The following DMD variants were observed in gnomAD, a reference collection of about 807,000 sequenced individuals.
DMD encodes dystrophin.
DMD carries 63 observed loss-of-function variants against 330.1 expected under a neutral mutation model. The observed-to-expected ratio is 0.19, with a 90% confidence interval of 0.16 to 0.24. The LOEUF (loss-of-function observed/expected upper bound fraction) is 0.24. Ranked by LOEUF, DMD falls within the 10% of genes least tolerant of loss-of-function variation. The pLI, the probability that DMD is intolerant of heterozygous loss-of-function variation, is 1.00. For missense variants in DMD, 3,344 were observed against 2,684.1 expected, an observed-to-expected ratio of 1.25 and a Z score of -5.43; for synonymous variants, 1,223 against 959.8, an observed-to-expected ratio of 1.27 and a Z score of -5.07.
chrX:31,717,102 A>G (rs2085121616), intron 52 of DMD, among the ~76,000 whole-genome samples: 1 of 111,701 alleles, frequency 9.0e-6, no homozygotes, highest in Non-Finnish European at 1.9e-5. Flanking sequence ...GTGAAAATAA[A>G]ATCCACTTAT....
intron 18 of DMD, among the ~76,000 whole-genome samples, chrX:32,508,975 T>C (rs900718276): frequency 2.7e-5 from 3 of 109,316 alleles, no homozygotes; most frequent in African/African-American, 1.0e-4. Context: ...CATGCCCGGC[T>C]AATTTTTTGT....
intron 1 of DMD, among the ~76,000 whole-genome samples, chrX:33,140,085 T>C (rs773532539): frequency 1.8e-5 from 2 of 111,602 alleles, no homozygotes; most frequent in Non-Finnish European, 3.8e-5. Flanking sequence ...GTTTTTGCTA[T>C]AAATTGAAAG....
intron 13 of DMD, among the ~76,000 whole-genome samples, chrX:32,592,068 G>T (rs751573279): frequency 1.9e-4 from 21 of 111,837 alleles, no homozygotes; most frequent in African/African-American, 6.8e-4. Context: ...GGTTCGGTGT[G>T]GGCCTGCAGG....
chrX:31,271,671 G>C (rs1235243755), intron 62 of DMD, among the ~76,000 whole-genome samples: 1 of 111,531 alleles, frequency 9.0e-6, no homozygotes, highest in Non-Finnish European at 1.9e-5. Flanking sequence ...AATTCATTTA[G>C]AGTATAGGTA....
At chrX:33,322,042 T>C (rs1251959487) in intron 1 of DMD, among the ~76,000 whole-genome samples, 1 of 112,093 alleles carries the variant, frequency 8.9e-6, no homozygotes, top group African/African-American at 3.2e-5. Flanking sequence ...TTGATCTGTC[T>C]AGACCATTTA....
intron 55 of DMD, among the ~76,000 whole-genome samples, chrX:31,616,133 A>C (rs1257621550): frequency 9.0e-6 from 1 of 111,546 alleles, no homozygotes; most frequent in Non-Finnish European, 1.9e-5. Context: ...CAAAGTTCAC[A>C]CTATGAAACA....
chrX:32,654,283 G>A (rs1162486332), intron 9 of DMD, among the ~76,000 whole-genome samples: 1 of 111,633 alleles, frequency 9.0e-6, no homozygotes, highest in Non-Finnish European at 1.9e-5. Flanking sequence ...TAGTGGCTGT[G>A]GGTTTGTCAT....
At chrX:32,119,266 G>A (rs756057848) in intron 44 of DMD, among the ~76,000 whole-genome samples, 39 of 106,512 alleles carry the variant, frequency 3.7e-4, no homozygotes, top group African/African-American at 9.3e-4. Flanking sequence ...CCTGGGACGC[G>A]GAGGTTTCAG....
At chrX:32,110,045 T>C (rs1043225490) in intron 44 of DMD, among the ~76,000 whole-genome samples, 3 of 111,661 alleles carry the variant, frequency 2.7e-5, no homozygotes, top group Non-Finnish European at 3.8e-5. Context: ...TACAGCTTAG[T>C]TTCTATGCAT....
At chrX:31,202,641 T>C (rs1404687390) in intron 67 of DMD, among the ~76,000 whole-genome samples, 2 of 112,158 alleles carry the variant, frequency 1.8e-5, no homozygotes, top group Admixed American at 9.4e-5. Context: ...GGTCAAAGAC[T>C]TCAGATATAA....
intron 39 of DMD, among the ~76,000 whole-genome samples, chrX:32,343,958 T>G (rs2097756052): frequency 8.9e-6 from 1 of 112,077 alleles, no homozygotes; most frequent in Non-Finnish European, 1.9e-5. Context: ...CACATTTATC[T>G]TACTATACCA....
chrX:32,495,729 A>G (rs932758861), intron 19 of DMD, among the ~76,000 whole-genome samples: 2 of 111,676 alleles, frequency 1.8e-5, no homozygotes, highest in African/African-American at 3.3e-5. Context: ...ATTGTTTTAT[A>G]TGTATTCCAT....
intron 47 of DMD, among the ~76,000 whole-genome samples, chrX:31,880,596 A>G (rs2094045799): frequency 8.9e-6 from 1 of 112,338 alleles, no homozygotes; most frequent in African/African-American, 3.2e-5. Flanking sequence ...GGTCTTTGTC[A>G]AAGTTCTGGA....
intron 44 of DMD, among the ~76,000 whole-genome samples, chrX:32,118,301 T>C (rs2096619626): frequency 8.9e-6 from 1 of 111,988 alleles, no homozygotes; most frequent in Non-Finnish European, 1.9e-5. Flanking sequence ...TTTTCAATTA[T>C]GCAGAGAAAA....
intron 26 of DMD, among the ~76,000 whole-genome samples, chrX:32,449,928 T>C (rs1292936187): frequency 9.0e-6 from 1 of 110,950 alleles, no homozygotes; most frequent in Admixed American, 9.6e-5. Flanking sequence ...TACTTATTAA[T>C]CCCAGCAAAC....
At chrX:32,227,233 TTG>T (rs1310125343) in intron 43 of DMD, among the ~76,000 whole-genome samples, 1 of 88,690 alleles carries the variant, frequency 1.1e-5, no homozygotes, top group Non-Finnish European at 2.2e-5. Context: ...TAGTATTCCA[TTG>T]TGTGTCTATC....
intron 52 of DMD, among the ~76,000 whole-genome samples, chrX:31,694,617 CATATAT>C (rs34933227): frequency 3.1e-3 from 180 of 58,170 alleles, no homozygotes; most frequent in Non-Finnish European, 4.6e-3. Context: ...TGACAAACAG[CATATAT>C]ATATATATAT....
At chrX:33,038,341 G>A (rs761473904) in intron 1 of DMD, among the ~76,000 whole-genome samples, 60 of 112,261 alleles carry the variant, frequency 5.3e-4, no homozygotes, top group African/African-American at 1.9e-3. Flanking sequence ...TTAAGTCAGT[G>A]CATAGAATAT....
rs749488822 is a variant in DMD, at chrX:32,816,540, T to C, written c.458A>G (p.Gln153Arg). The C allele has an allele frequency of 1.7e-6, 2 of 1,211,318 alleles. No individual in the cohort carries two copies. The highest frequency in any genetic ancestry group is 2.2e-5 in the Admixed American group (1 of 46,013). Residue 153 changes from glutamine to arginine, a missense_variant, in exon 6 of 79, where the codon CAG (glutamine) becomes CGG (arginine). Physicochemically the swap from Gln to Arg is conservative, Grantham distance 43 (BLOSUM62 1). Transcript: ENST00000357033. Reference sequence around the variant, plus strand: ...GGTGGTGAAGTTGATTACATTAACCTGTGGATAATTACGAGTTGATTGTCG... The same window carrying C: ...GGTGGTGAAGTTGATTACATTAACCCGTGGATAATTACGAGTTGATTGTCG... ...WVRQSTRNYP[Q>R]VNVINFTTSW... is the part of the protein sequence containing the mutation.
Sources: allele counts gnomAD v4.1 joint callset (sites outside exome capture counted in the v4.1 genomes callset), GRCh38; gene constraint gnomAD v4.1.1; transcripts MANE v1.5; gene names NCBI Gene and HGNC (gene_info 2026-07-23, HGNC 2026-07-21).